SOD2: variants seen among roughly 807,000 people sequenced by gnomAD.
The protein encoded by SOD2 is superoxide dismutase 2.
SOD2 carries 11 observed loss-of-function variants against 27.0 expected under a neutral mutation model. The observed-to-expected ratio is 0.41, with a 90% CI of 0.26 to 0.67. The LOEUF (loss-of-function observed/expected upper bound fraction) is 0.67, where lower values mean the gene tolerates loss of function less well. Ranked by LOEUF, SOD2 falls within the 30% of genes least tolerant of loss-of-function variation. The pLI is 0.34. For synonymous variants in SOD2, 105 were observed against 103.0 expected (o/e 1.02, Z -0.12); for missense variants, 250 against 274.5 (o/e 0.91, Z 0.63).
At chr6:159,734,846 CT>C (rs369064240) in intron 1 of SOD2, among the ~76,000 whole-genome samples, 17 of 151,992 alleles carry the variant, frequency 1.1e-4, no homozygotes, top group South Asian at 2.1e-4. Context: ...ATGTCGTATA[CT>C]TTTTTTTCCA....
At chr6:159,740,539 A>G (rs1431282354) in intron 1 of SOD2, among the ~76,000 whole-genome samples, 1 of 152,152 alleles carries the variant, frequency 6.6e-6, no homozygotes, top group Non-Finnish European at 1.5e-5. Flanking sequence ...GTTCTTTTAT[A>G]GCCTCCACTG....
chr6:159,704,312 C>G (rs77245823), intron 1 of SOD2, among the ~76,000 whole-genome samples: 1 of 152,102 alleles, frequency 6.6e-6, no homozygotes, highest in Admixed American at 6.5e-5. Flanking sequence ...GAGTGTGAGC[C>G]GAAGCAGGGC....
chr6:159,759,500 T>C (rs1246244246), intron 1 of SOD2, among the ~76,000 whole-genome samples: 2 of 151,548 alleles, frequency 1.3e-5, no homozygotes, highest in Non-Finnish European at 2.9e-5. Context: ...TGAAACCCCG[T>C]CTTTACTAAA....
chr6:159,723,339 T>C (rs1021017570), intron 1 of SOD2, among the ~76,000 whole-genome samples: 1 of 152,164 alleles, frequency 6.6e-6, no homozygotes, highest in African/African-American at 2.4e-5. Flanking sequence ...CCTTCTCTCT[T>C]CCCCTCCTAA....
upstream of SOD2, chr6:159,748,974 A>G: frequency 2.8e-6 from 3 of 1,055,076 alleles, no homozygotes; most frequent in South Asian, 1.4e-4. The surrounding 1 kb of genome is among the most constrained non-coding windows in gnomAD (Gnocchi z 5.6). Context: ...CTGAGAACCA[A>G]CTTTCAATAG....
chr6:159,729,339 C>G (rs1349317912), upstream of SOD2, among the ~76,000 whole-genome samples: 1 of 152,164 alleles, frequency 6.6e-6, no homozygotes, highest in African/African-American at 2.4e-5. Flanking sequence ...TCCAACTTTT[C>G]TGCCTCTAAA....
At chr6:159,692,956 C>T in intron 1 of SOD2, 93 bp from the exon 2 acceptor site, 1 of 1,360,062 alleles carries the variant, frequency 7.4e-7, no homozygotes, top group Non-Finnish European at 9.7e-7. Flanking sequence ...CGGCGTCCCC[C>T]GAGTCCCCGC....
At chr6:159,697,853 G>A (rs11757425), upstream of SOD2, among the ~76,000 whole-genome samples, 64,171 of 152,092 alleles carry the variant, frequency 0.42, 14,467 homozygotes, top group Admixed American at 0.51. Flanking sequence ...AGAAATCTGC[G>A]TATATGCCCA....
Position 159,688,141 on chromosome 6 carries a change from C to T in SOD2, c.328G>A (p.Gly110Ser). The T allele has an allele frequency of 1.2e-6, 2 of 1,606,656 alleles. No individual in the cohort carries two copies. Among genetic ancestry groups the T allele is most frequent in the Non-Finnish European group, 1.7e-6 (2 of 1,173,198 alleles). The change falls in exon 3 of 5, where the codon GGT (glycine) becomes AGT (serine). Residue 110 changes from glycine to serine, a missense_variant. Physicochemically the swap from Gly to Ser is moderately conservative, Grantham distance 56. Transcript: ENST00000538183. Reference sequence around the variant, plus strand: ...ATATACCAACCTTTGGGTTCTCCACCACCGTTAGGGCTGAGGTTTGTCCAG... The same window carrying T: ...ATATACCAACCTTTGGGTTCTCCACTACCGTTAGGGCTGAGGTTTGTCCAG... ...IFWTNLSPNG[G>S]GEPKGELLEA...
chr6:159,755,674 T>G (rs1562469407), intron 1 of SOD2: 12 of 1,399,004 alleles, frequency 8.6e-6, no homozygotes, highest in Non-Finnish European at 1.1e-5. Context: ...GTCCAGAAAA[T>G]TAATGCATAC....
chr6:159,687,360 C>G (rs1780239273), intron 3 of SOD2, among the ~76,000 whole-genome samples: 1 of 152,096 alleles, frequency 6.6e-6, no homozygotes, highest in South Asian at 2.1e-4. Flanking sequence ...TGCCACATGC[C>G]TGTAATCCCA....
At chr6:159,751,236 CATTT>C (rs917488537) in intron 1 of SOD2, among the ~76,000 whole-genome samples, 8 of 152,192 alleles carry the variant, frequency 5.3e-5, no homozygotes, top group African/African-American at 9.7e-5. Context: ...TTAGCTTAGA[CATTT>C]ATTTATTAAA....
upstream of SOD2, among the ~76,000 whole-genome samples, chr6:159,696,541 A>T (rs1469663878): frequency 6.6e-6 from 1 of 151,946 alleles, no homozygotes; most frequent in African/African-American, 2.4e-5. Flanking sequence ...GCTGGTCTCG[A>T]ACTCCTAGAC....
Position 159,673,373 on chromosome 6 carries a change from A to G in SOD2, c.*9120T>C. The G allele has an allele frequency of 6.6e-6, 1 of 152,216 alleles. No individual in the cohort carries two copies. The highest frequency in any genetic ancestry group is 1.5e-5 in the Non-Finnish European group (1 of 68,044). The allele number at this position is 152,216 out of a possible 1,614,324, so 9.4% of individuals were successfully genotyped here. On this transcript the variant is annotated 3_prime_UTR_variant, in exon 5 of 5. Transcript: ENST00000538183. ...AGTAAAGCACTCCTCAGCAAATGTA[A>G]AAGAACAGAAATTATAACATACTGT...
intron 1 of SOD2, among the ~76,000 whole-genome samples, chr6:159,710,229 G>C (rs565904877): frequency 1.2e-4 from 18 of 150,202 alleles, no homozygotes; most frequent in African/African-American, 4.2e-4. Context: ...AAACCTGCAC[G>C]TTCGTTGTGC....
chr6:159,720,300 T>G (rs1243090143), intron 1 of SOD2: 1 of 152,238 alleles, frequency 6.6e-6, no homozygotes, highest in Non-Finnish European at 1.5e-5. Flanking sequence ...TCCGCCCACC[T>G]CGGCCTCCTA....
intron 1 of SOD2, among the ~76,000 whole-genome samples, chr6:159,701,431 C>T (rs144627371): frequency 6.3e-4 from 96 of 152,146 alleles, no homozygotes; most frequent in Middle Eastern, 6.8e-3. Context: ...CCAAGCTGGG[C>T]GTGATAGCAC....
chr6:159,709,812 T>G (rs369877200), intron 1 of SOD2, among the ~76,000 whole-genome samples: 1 of 152,058 alleles, frequency 6.6e-6, no homozygotes, highest in African/African-American at 2.4e-5. Context: ...AAAGACACAT[T>G]CACACGTATG....
At chr6:159,705,801 A>G (rs112183247) in intron 1 of SOD2, among the ~76,000 whole-genome samples, 386 of 130,060 alleles carry the variant, frequency 3.0e-3, no homozygotes, top group Admixed American at 5.9e-3. Flanking sequence ...GAGCAACTCC[A>G]AGACACATAA....
Sources: allele counts gnomAD v4.1 joint callset (sites outside exome capture counted in the v4.1 genomes callset), GRCh38; gene constraint gnomAD v4.1.1; non-coding constraint Gnocchi (gnomAD v3.1); transcripts MANE v1.5; gene names NCBI Gene and HGNC (gene_info 2026-07-23, HGNC 2026-07-21).